Variants in OR6B1 observed in about 807,000 individuals in gnomAD.
OR6B1 encodes olfactory receptor 6B1.
In OR6B1, 15 loss-of-function variants were observed where a neutral mutation model predicts 15.4. The ratio of observed to expected loss-of-function variants is 0.97; its 90% CI spans 0.65 to 1.50. The LOEUF (loss-of-function observed/expected upper bound fraction) is 1.50. OR6B1 is among the 40% of genes most tolerant of loss of function. OR6B1 has a pLI of 0.00. For missense variants in OR6B1, 384 were observed against 385.0 expected (o/e 1.00, Z 0.02); for synonymous variants, 139 against 144.9 (o/e 0.96, Z 0.29).
chr7:144,005,157 C>A lies in OR6B1; in HGVS notation c.*225C>A. 4.2e-6 allele frequency: 2 copies of A among 480,326 alleles called. No individual in the cohort carries two copies. The highest frequency in any genetic ancestry group is 7.7e-5 in the Admixed American group (2 of 26,114). 29.8% of individuals were successfully genotyped at this position (480,326 alleles called of 1,614,324 possible). On this transcript the variant is annotated 3_prime_UTR_variant, in exon 2 of 2. Transcript: ENST00000641698. ...AGAAAACAGTTCTCAATGGTTGTGA[C>A]CCCAAATGGGGTTTCTAAGACTGTG...
intron 1 of OR6B1, among the ~76,000 whole-genome samples, chr7:144,003,227 T>C (rs2050595823): frequency 6.6e-6 from 1 of 152,216 alleles, no homozygotes; most frequent in Admixed American, 6.5e-5. Flanking sequence ...AAAATCCCCT[T>C]TCACGATTAT....
chr7:144,002,632 T>C (rs2050591901), intron 1 of OR6B1, among the ~76,000 whole-genome samples: 1 of 152,232 alleles, frequency 6.6e-6, no homozygotes, highest in East Asian at 1.9e-4. Flanking sequence ...TCACAGCTCA[T>C]GCTCTTGCCT....
chr7:144,002,289 G>T (rs374336064), intron 1 of OR6B1, among the ~76,000 whole-genome samples: 2 of 152,134 alleles, frequency 1.3e-5, no homozygotes, highest in South Asian at 2.1e-4. Flanking sequence ...ATGGGATATT[G>T]CATGAAAAGA....
At chr7:144,001,232 A>G (rs1453927753) in intron 1 of OR6B1, among the ~76,000 whole-genome samples, 1 of 152,214 alleles carries the variant, frequency 6.6e-6, no homozygotes, top group Non-Finnish European at 1.5e-5. Context: ...ATTATAAGTA[A>G]AAAGGCTGTA....
At position 144,000,502 on chromosome 7, in the gene OR6B1, A is replaced by G. The variant is rs191082138; in HGVS notation, c.-174A>G. On this transcript the variant is annotated 5_prime_UTR_variant, in exon 1 of 2. Coordinates refer to ENST00000641698, the MANE Select transcript of OR6B1 (RefSeq NM_001005281.3). ...CTTTCAGCTTGAAAGCAGTGGGGCAATCTGTACCCAGTCACTCTTTCTAGG... is the reference window on the plus strand; with the variant it reads ...CTTTCAGCTTGAAAGCAGTGGGGCAGTCTGTACCCAGTCACTCTTTCTAGG... 178 of 152,718 alleles carry G rather than the reference A, an allele frequency of 1.2e-3. 1 individual carries two copies. The highest frequency in any genetic ancestry group is 4.0e-3 in the African/African-American group (165 of 41,558). 9.5% of individuals were successfully genotyped at this position (152,718 alleles called of 1,614,324 possible).
rs571625048 is a variant in OR6B1, at chr7:144,000,737, A to C, written c.-26+87A>C. 2.0e-5 allele frequency: 3 copies of C among 152,702 alleles called. No homozygotes were observed. In the South Asian group the frequency reaches 6.2e-4, roughly 32 times the overall value. 9.5% of individuals were successfully genotyped at this position (152,702 alleles called of 1,614,324 possible). ...TACAGCGCAGCAACATTTAAACTCTAAAATGTTTAATGCCTCTCTGTTCTA... is the reference window on the plus strand; with the variant it reads ...TACAGCGCAGCAACATTTAAACTCTCAAATGTTTAATGCCTCTCTGTTCTA... On this transcript the variant is annotated intron_variant, in intron 1 of 1. Transcript: ENST00000641698.
chr7:144,005,655 G>T lies in OR6B1; in HGVS notation c.*723G>T, dbSNP rs1391047864. ...ATATATGAATTGCCAAACAATAATT[G>T]CCCTCATTACTTCTCTTTTCTTTTG... On this transcript the variant is annotated 3_prime_UTR_variant, in exon 2 of 2. Transcript: ENST00000641698. 2.6e-5 allele frequency: 4 copies of T among 151,880 alleles called. No individual in the cohort carries two copies. The highest frequency in any genetic ancestry group is 9.7e-5 in the African/African-American group (4 of 41,340). 9.4% of individuals were successfully genotyped at this position (151,880 alleles called of 1,614,324 possible). A position where few individuals can be genotyped will look rare whatever the true frequency, so the allele number is the denominator to read the frequency against.
In OR6B1 at chr7:144,007,358, G is replaced by C. The variant is rs2050631334; in HGVS notation, c.*2426G>C. The C allele has an allele frequency of 6.6e-6, 1 of 152,076 alleles. No homozygotes were observed. 9.4% of individuals were successfully genotyped at this position (152,076 alleles called of 1,614,324 possible). On this transcript the variant is annotated 3_prime_UTR_variant, in exon 2 of 2. Coordinates refer to ENST00000641698, the MANE Select transcript of OR6B1 (RefSeq NM_001005281.3). ...AGCTATTTCTAAGGTGACACACAAA[G>C]CAAGCCGGAAGTTTCAGGGCATTTG... is the stretch of plus-strand genomic sequence containing the variant.
chr7:144,004,681 C>T lies in OR6B1; in HGVS notation c.685C>T (p.Pro229Ser). The T allele has an allele frequency of 6.2e-7, 1 of 1,614,194 alleles. No homozygotes were observed. The highest frequency in any genetic ancestry group is 1.1e-5 in the South Asian group (1 of 91,086). Residue 229 changes from proline (P) to serine (S), a missense_variant, in exon 2 of 2, where the codon CCC becomes TCC. Coordinates refer to ENST00000641698, the MANE Select transcript of OR6B1 (RefSeq NM_001005281.3). Reference sequence around the variant, plus strand: ...CATTCTGGCCACCATATTATGCATGCCCACAGGAAAGCAGAAAGCGTTCTC... The same window carrying T: ...CATTCTGGCCACCATATTATGCATGTCCACAGGAAAGCAGAAAGCGTTCTC... ...GCILATILCM[P>S]TGKQKAFSTC...
At chr7:144,001,531 T>A (rs1196170900) in intron 1 of OR6B1, among the ~76,000 whole-genome samples, 5 of 152,230 alleles carry the variant, frequency 3.3e-5, no homozygotes, top group Admixed American at 6.5e-5. Context: ...TTTGGCAACC[T>A]TGTCCCATCC....
At position 144,005,531 on chromosome 7, in the gene OR6B1, C is replaced by T. The variant is rs890039193; in HGVS notation, c.*599C>T. ...GTGTTTTGTCTTCTGATATAACTCA[C>T]ACAGTTGCCTTTTATTGAATTTTAT... On this transcript the variant is annotated 3_prime_UTR_variant, in exon 2 of 2. Transcript: ENST00000641698. 1.3e-5 allele frequency: 2 copies of T among 152,222 alleles called. No homozygotes were observed. The highest frequency in any genetic ancestry group is 1.5e-5 in the Non-Finnish European group (1 of 68,046). The allele number at this position is 152,222 out of a possible 1,614,324, so 9.4% of individuals were successfully genotyped here. A position where few individuals can be genotyped will look rare whatever the true frequency, so the allele number is the denominator to read the frequency against.
rs371188814 is a variant in OR6B1 at position 144,004,066 on chromosome 7, C to T, written c.70C>T (p.Arg24Trp). The T allele has an allele frequency of 1.0e-4, 162 of 1,613,894 alleles. No individual in the cohort carries two copies. In the Middle Eastern group the frequency reaches 1.5e-3, roughly 15 times the overall value. ...GGGATTCCCTGGGAGCTTGAGTATGCGGGCAGCCATGTTTCTGATATTCCT... is the reference window on the plus strand; with the variant it reads ...GGGATTCCCTGGGAGCTTGAGTATGTGGGCAGCCATGTTTCTGATATTCCT... The part of the protein sequence containing the change: ...LVGFPGSLSM[R>W]AAMFLIFLVA... The change falls in exon 2 of 2, where the codon CGG becomes TGG. Residue 24 changes from arginine (R) to tryptophan (W), a missense_variant. By Grantham distance (101) the Arg-to-Trp change is moderately radical. Coordinates refer to ENST00000641698, the MANE Select transcript of OR6B1 (RefSeq NM_001005281.3).
rs1411232187 is a variant in OR6B1 at position 144,007,297 on chromosome 7, G to A, written c.*2365G>A. The stretch of plus-strand genomic sequence containing the variant: ...AATCTGCCTCAACAGAGAAAATAAT[G>A]TATAGTGGATTACTGGTTAAATTCA... On this transcript the variant is annotated 3_prime_UTR_variant, in exon 2 of 2. Transcript: ENST00000641698. 6.6e-6 allele frequency: 1 copy of A among 152,100 alleles called. No individual in the cohort carries two copies. The highest frequency in any genetic ancestry group is 2.4e-5 in the African/African-American group (1 of 41,406). 9.4% of individuals were successfully genotyped at this position (152,100 alleles called of 1,614,324 possible). A position where few individuals can be genotyped will look rare whatever the true frequency, so the allele number is the denominator to read the frequency against.
At position 144,007,423 on chromosome 7, in the gene OR6B1, C is replaced by G. The variant is rs1586861137; in HGVS notation, c.*2491C>G. On this transcript the variant is annotated 3_prime_UTR_variant, in exon 2 of 2. Transcript: ENST00000641698. ...GTAACCATCATAAAAGGCTGGTAGT[C>G]AGTTTCAGTAGTTTATCCAGAGAAC... 1 of 152,090 alleles carries G rather than the reference C, an allele frequency of 6.6e-6. No homozygotes were observed. Among genetic ancestry groups the G allele is most frequent in the Non-Finnish European group, 1.5e-5 (1 of 68,008 alleles). The allele number at this position is 152,090 out of a possible 1,614,324, so 9.4% of individuals were successfully genotyped here. A position where few individuals can be genotyped will look rare whatever the true frequency, so the allele number is the denominator to read the frequency against.
Position 144,005,200 on chromosome 7 carries a change from G to A in OR6B1, c.*268G>A, listed in dbSNP as rs2050616789. On this transcript the variant is annotated 3_prime_UTR_variant, in exon 2 of 2. Transcript: ENST00000641698. ...AGACTGTGAGTAAATTTATAACTGA[G>A]TTAAGTAGGAAGAGAGATGGTGATG... 2.8e-6 allele frequency: 1 copy of A among 358,418 alleles called. No individual in the cohort carries two copies. The highest frequency in any genetic ancestry group is 5.2e-5 in the South Asian group (1 of 19,112). 22.2% of individuals were successfully genotyped at this position (358,418 alleles called of 1,614,324 possible). A position where few individuals can be genotyped will look rare whatever the true frequency, so the allele number is the denominator to read the frequency against.
rs1307592662 is a variant in OR6B1, at chr7:144,000,522, T to A, written c.-154T>A. 1 of 152,652 alleles carries A rather than the reference T, an allele frequency of 6.6e-6. No homozygotes were observed. The highest frequency in any genetic ancestry group is 2.4e-5 in the African/African-American group (1 of 41,452). 9.5% of individuals were successfully genotyped at this position (152,652 alleles called of 1,614,324 possible). ...GGGCAATCTGTACCCAGTCACTCTTTCTAGGTTTAGAAAGTGGGTTCCTCA... is the reference window on the plus strand; with the variant it reads ...GGGCAATCTGTACCCAGTCACTCTTACTAGGTTTAGAAAGTGGGTTCCTCA... On this transcript the variant is annotated 5_prime_UTR_variant, in exon 1 of 2. Coordinates refer to ENST00000641698, the MANE Select transcript of OR6B1 (RefSeq NM_001005281.3).
intron 1 of OR6B1, among the ~76,000 whole-genome samples, chr7:144,001,430 T>C (rs2050584272): frequency 6.6e-6 from 1 of 152,192 alleles, no homozygotes; most frequent in Admixed American, 6.5e-5. Flanking sequence ...CTTTGACAAA[T>C]GTTATAAGCT....
intron 1 of OR6B1, among the ~76,000 whole-genome samples, chr7:144,001,043 G>A (rs941669125): frequency 7.9e-5 from 12 of 152,178 alleles, no homozygotes; most frequent in Non-Finnish European, 1.6e-4. Flanking sequence ...TGGCAGGGGC[G>A]GAGGTTAAAT....
rs1231526813 is a variant in OR6B1 at position 144,004,714 on chromosome 7, G to A, written c.718G>A (p.Ala240Thr). 3.1e-6 allele frequency: 5 copies of A among 1,614,122 alleles called. No homozygotes were observed. The highest frequency in any genetic ancestry group is 4.2e-6 in the Non-Finnish European group (5 of 1,180,004). ...TGKQKAFSTC[A>T]SHLVVVTIFY... The stretch of plus-strand genomic sequence containing the variant: ...AAAGCAGAAAGCGTTCTCCACTTGT[G>A]CCTCCCATCTTGTGGTGGTCACCAT... The change falls in exon 2 of 2, where the codon GCC becomes ACC. Residue 240 changes from alanine (A) to threonine (T), a missense_variant. Ala to Thr is a moderately conservative substitution (Grantham distance 58). Coordinates refer to ENST00000641698, the MANE Select transcript of OR6B1 (RefSeq NM_001005281.3).
Sources: gnomAD v4.1 joint callset for allele counts (sites outside exome capture counted in the v4.1 genomes callset) on GRCh38, gnomAD v4.1.1 for gene constraint, MANE v1.5 for transcripts, NCBI Gene and HGNC (gene_info 2026-07-23, HGNC 2026-07-21) for gene names.